Variants in SDAD1 observed in about 807,000 individuals in gnomAD.
SDAD1 encodes the protein SDA1 domain containing 1.
A neutral mutation model predicts 100.3 loss-of-function variants in SDAD1; 79 were observed. The ratio of observed to expected loss-of-function variants is 0.79; its 90% confidence interval spans 0.66 to 0.95. The LOEUF is 0.95. Among genes scored for constraint, SDAD1 ranks in the 40% least tolerant of loss-of-function variants. SDAD1 has a pLI of 0.00. For synonymous variants in SDAD1, 267 were observed against 271.4 expected, an observed-to-expected ratio of 0.98 and a Z score of 0.16; for missense variants, 790 against 810.9, an observed-to-expected ratio of 0.97 and a Z score of 0.31.
Position 75,950,552 on chromosome 4 carries a change from C to T in SDAD1, c.*198G>A, listed in dbSNP as rs1728574903. 2 of 462,072 alleles carry T rather than the reference C, an allele frequency of 4.3e-6. No homozygotes were observed. The highest frequency in any genetic ancestry group is 3.9e-5 in the African/African-American group (2 of 51,562). The allele number at this position is 462,072 out of a possible 1,614,324, so 28.6% of individuals were successfully genotyped here. On this transcript the variant is annotated 3_prime_UTR_variant, in exon 22 of 22. Coordinates refer to ENST00000356260, the MANE Select transcript of SDAD1 (RefSeq NM_018115.4). ...TGATAAATGAAATGATTTTACATTA[C>T]CACCACTATTTACATTAACATTCCT...
chr4:75,976,685 A>G (rs1361838475), intron 4 of SDAD1, among the ~76,000 whole-genome samples: 1 of 152,172 alleles, frequency 6.6e-6, no homozygotes, highest in Admixed American at 6.5e-5. Flanking sequence ...AAAAACACTG[A>G]ATTGTACACT....
At chr4:75,981,332 T>C (rs767387888) in intron 3 of SDAD1, 40 bp downstream of exon 3, 1 of 1,590,582 alleles carries the variant, frequency 6.3e-7, no homozygotes, top group Non-Finnish European at 8.6e-7. Flanking sequence ...GCAGCACACA[T>C]GAACACAGCA....
intron 14 of SDAD1, among the ~76,000 whole-genome samples, chr4:75,963,655 G>A (rs1317613853): frequency 6.6e-6 from 1 of 152,056 alleles, no homozygotes; most frequent in African/African-American, 2.4e-5. Flanking sequence ...CTTATCACCA[G>A]TGAGTTATAA....
intron 9 of SDAD1, among the ~76,000 whole-genome samples, chr4:75,970,588 T>G (rs1292892994): frequency 1.3e-5 from 2 of 152,236 alleles, no homozygotes; most frequent in Non-Finnish European, 2.9e-5. Flanking sequence ...TTAGCACCTA[T>G]GAGACTTACA....
At chr4:75,972,185 G>A (rs1192465462) in intron 8 of SDAD1, among the ~76,000 whole-genome samples, 2 of 151,838 alleles carry the variant, frequency 1.3e-5, no homozygotes, top group Non-Finnish European at 2.9e-5. Context: ...TGATCTGCCC[G>A]CCTTGGCCTC....
At chr4:75,961,004 C>A (rs774648563) in intron 16 of SDAD1, 24 bp downstream of exon 16, 15 of 1,602,192 alleles carry the variant, frequency 9.4e-6, no homozygotes, top group Non-Finnish European at 1.3e-5. Flanking sequence ...AACCTTTAGA[C>A]CAACATAAGT....
In SDAD1 at chr4:75,950,524, G is replaced by T. The variant is rs181866177; in HGVS notation, c.*226C>A. The T allele has an allele frequency of 3.4e-4, 155 of 452,962 alleles. 1 individual carries two copies. The highest frequency in any genetic ancestry group is 2.7e-3 in the African/African-American group (138 of 51,792). 28.1% of individuals were successfully genotyped at this position (452,962 alleles called of 1,614,324 possible). On this transcript the variant is annotated 3_prime_UTR_variant, in exon 22 of 22. Transcript: ENST00000356260. ...ACTCAATACATACTTTTTTTTGCAT[G>T]AATGATAAATGAAATGATTTTACAT...
chr4:75,961,372 G>A (rs922980239), intron 14 of SDAD1, 64 bp from the exon 15 acceptor site: 4 of 1,182,732 alleles, frequency 3.4e-6, no homozygotes, highest in Admixed American at 1.9e-5. Flanking sequence ...TTCAACACAG[G>A]AAGACTTCCT....
chr4:75,965,901 C>T, intron 12 of SDAD1, 79 bp from the exon 13 acceptor site: 1 of 1,176,580 alleles, frequency 8.5e-7, no homozygotes. Flanking sequence ...ATGGCAAGCT[C>T]ATTCTGGTCT....
At chr4:75,974,171 A>G (rs1477908187) in intron 6 of SDAD1, 38 bp from the exon 7 acceptor site, 14 of 1,527,054 alleles carry the variant, frequency 9.2e-6, no homozygotes, top group Non-Finnish European at 1.2e-5. Context: ...GTAAATTTTC[A>G]TTCTACTGTA....
At chr4:75,989,245 C>G (rs1035031456) in intron 1 of SDAD1, among the ~76,000 whole-genome samples, 1 of 152,206 alleles carries the variant, frequency 6.6e-6, no homozygotes. Context: ...TCTGCACTTT[C>G]TATTCCTTGT....
At chr4:75,970,443 T>G (rs1178150520) in intron 9 of SDAD1, 65 bp from the exon 10 acceptor site, 2 of 1,255,408 alleles carry the variant, frequency 1.6e-6, no homozygotes. Flanking sequence ...GAACTTAATG[T>G]GCTAATAAGG....
chr4:75,965,891 A>T (rs1729511505), intron 12 of SDAD1, 69 bp from the exon 13 acceptor site: 4 of 1,265,628 alleles, frequency 3.2e-6, no homozygotes, highest in Non-Finnish European at 3.4e-6. Context: ...CACAGCAAAC[A>T]TGGCAAGCTC....
chr4:75,976,952 T>C (rs1406812813), intron 4 of SDAD1, among the ~76,000 whole-genome samples: 3 of 152,198 alleles, frequency 2.0e-5, no homozygotes, highest in Non-Finnish European at 4.4e-5. Context: ...CTTAAATTTT[T>C]CTTTCCTTTT....
intron 13 of SDAD1, 25 bp from the exon 14 acceptor site, chr4:75,964,236 G>C: frequency 6.8e-7 from 1 of 1,471,566 alleles, no homozygotes. Context: ...AAAAAGAGAT[G>C]GGTGCTGATT....
chr4:75,969,832 C>T (rs1008796876), intron 10 of SDAD1, among the ~76,000 whole-genome samples: 2 of 152,152 alleles, frequency 1.3e-5, no homozygotes, highest in African/African-American at 2.4e-5. Context: ...CGCCCAGCTA[C>T]ACCCCATACC....
At chr4:75,978,980 C>CAAAAAAAAAAAAAAA (rs1730320239) in intron 3 of SDAD1, among the ~76,000 whole-genome samples, 1 of 11,150 alleles carries the variant, frequency 9.0e-5, no homozygotes. Context: ...GACCCTGTCT[C>CAAAAAAAAAAAAAAA]AGAAAAAAAA....
intron 6 of SDAD1, among the ~76,000 whole-genome samples, chr4:75,974,914 T>C (rs1379432521): frequency 6.6e-6 from 1 of 150,958 alleles, no homozygotes; most frequent in Non-Finnish European, 1.5e-5. Flanking sequence ...TGGTGGTGCA[T>C]GCCTGTAGTC....
chr4:75,989,258 C>A (rs1477001429), intron 1 of SDAD1, among the ~76,000 whole-genome samples: 1 of 152,146 alleles, frequency 6.6e-6, no homozygotes, highest in Non-Finnish European at 1.5e-5. Context: ...TTCCTTGTAC[C>A]TAAAATGATG....
Sources: allele counts gnomAD v4.1 joint callset (sites outside exome capture counted in the v4.1 genomes callset), GRCh38; gene constraint gnomAD v4.1.1; transcripts MANE v1.5; gene names NCBI Gene and HGNC (gene_info 2026-07-23, HGNC 2026-07-21).